CHST9: variants seen among roughly 807,000 people sequenced by gnomAD.
The protein encoded by CHST9 is GalNAc-4-sulfotransferase 2.
Under a neutral mutation model 44.4 loss-of-function variants are expected in CHST9, and 41 were observed. That is an observed-to-expected ratio of 0.92 (90% confidence interval 0.72 to 1.20). The LOEUF (loss-of-function observed/expected upper bound fraction) is 1.20. CHST9 is among the 50% of genes most tolerant of loss of function. The probability of loss-of-function intolerance (pLI) is 0.00; values close to 1 mark genes in which losing one functional copy is unlikely to be tolerated. For synonymous variants in CHST9, 171 were observed against 178.4 expected (o/e 0.96, Z 0.33); for missense variants, 504 against 516.5 (o/e 0.98, Z 0.23).
intron 2 of CHST9, among the ~76,000 whole-genome samples, chr18:27,140,592 A>G (rs1024502244): frequency 1.3e-5 from 2 of 152,216 alleles, no homozygotes; most frequent in African/African-American, 4.8e-5. Context: ...TGATATGAGC[A>G]AAACTCAAAA....
At chr18:26,951,624 T>C (rs1222718162) in intron 4 of CHST9, among the ~76,000 whole-genome samples, 1 of 152,202 alleles carries the variant, frequency 6.6e-6, no homozygotes, top group Non-Finnish European at 1.5e-5. Flanking sequence ...GTAGGAACTT[T>C]ACTCTCTCAA....
At chr18:27,074,791 T>C (rs2057882291) in intron 2 of CHST9, among the ~76,000 whole-genome samples, 1 of 148,406 alleles carries the variant, frequency 6.7e-6, no homozygotes, top group Admixed American at 6.7e-5. Context: ...GTAATCTTAA[T>C]AAAAATAAAT....
At chr18:26,989,945 G>A (rs2056797249) in intron 4 of CHST9, among the ~76,000 whole-genome samples, 1 of 151,874 alleles carries the variant, frequency 6.6e-6, no homozygotes, top group African/African-American at 2.4e-5. Flanking sequence ...GTGAGACTCT[G>A]TCTGAAAAAA....
chr18:27,155,369 A>G (rs983721298), intron 1 of CHST9, among the ~76,000 whole-genome samples: 3 of 152,220 alleles, frequency 2.0e-5, no homozygotes, highest in African/African-American at 7.2e-5. Context: ...TTTTACTGCT[A>G]GAGAGGTTTA....
chr18:27,165,645 T>C (rs925035422), intron 1 of CHST9, among the ~76,000 whole-genome samples: 9 of 152,190 alleles, frequency 5.9e-5, no homozygotes, highest in Non-Finnish European at 1.2e-4. Flanking sequence ...GTCTCCAAAT[T>C]ACATTGCTTC....
At chr18:27,089,032 G>C (rs1422552562) in intron 2 of CHST9, among the ~76,000 whole-genome samples, 1 of 152,184 alleles carries the variant, frequency 6.6e-6, no homozygotes, top group Non-Finnish European at 1.5e-5. Context: ...TAACAGCCTG[G>C]TTAGTTTTCC....
At chr18:27,165,676 C>T (rs2058784268) in intron 1 of CHST9, among the ~76,000 whole-genome samples, 1 of 152,166 alleles carries the variant, frequency 6.6e-6, no homozygotes, top group Admixed American at 6.5e-5. Flanking sequence ...GCTAATAAAA[C>T]TTCCGTAGTG....
chr18:27,096,326 C>CA (rs917727257), intron 2 of CHST9, among the ~76,000 whole-genome samples: 31 of 148,246 alleles, frequency 2.1e-4, no homozygotes, highest in Non-Finnish European at 3.6e-4. Flanking sequence ...GCCTACCTCA[C>CA]AAAAAAAGAC....
At chr18:27,146,546 G>C (rs894622145) in intron 1 of CHST9, among the ~76,000 whole-genome samples, 6 of 152,162 alleles carry the variant, frequency 3.9e-5, no homozygotes, top group Non-Finnish European at 5.9e-5. Flanking sequence ...CAGACTACTG[G>C]AGATTTAAAT....
At chr18:27,172,261 CTT>C (rs2058839029) in intron 1 of CHST9, among the ~76,000 whole-genome samples, 1 of 152,016 alleles carries the variant, frequency 6.6e-6, no homozygotes. Flanking sequence ...ATTCAAACAA[CTT>C]TTAACTTATG....
In CHST9 at chr18:27,085,766, A is replaced by G. The variant is rs540408355; in HGVS notation, c.122-37263T>C. ...CATTTGACCCAGCATTTCAGTTAAT[A>G]GGTATATACCCAAAGGAATATAAAT... On this transcript the variant is annotated intron_variant, in intron 2 of 5. Coordinates refer to ENST00000618847, the MANE Select transcript of CHST9 (RefSeq NM_031422.6). Among the ~76,000 whole-genome samples the G allele has an allele frequency of 5.9e-5, 9 of 152,232 alleles. No homozygotes were observed. In the South Asian group the frequency reaches 1.9e-3, roughly 32 times the overall value.
At chr18:27,131,347 C>G (rs150266355) in intron 2 of CHST9, among the ~76,000 whole-genome samples, 2 of 151,046 alleles carry the variant, frequency 1.3e-5, no homozygotes, top group Non-Finnish European at 3.0e-5. Flanking sequence ...GTCAGGAGTT[C>G]GAGACCAGCC....
rs954442014 is a variant in CHST9, at chr18:26,989,949, G to GA, written c.202+34166dup. Among the ~76,000 whole-genome samples the GA allele has an allele frequency of 2.8e-4, 42 of 151,560 alleles. 1 individual carries two copies. Among genetic ancestry groups the GA allele is most frequent in the Admixed American group, 2.6e-4 (4 of 15,216 alleles). On this transcript the variant is annotated intron_variant, in intron 4 of 5. Transcript: ENST00000618847. ...TGGGAGACAGAGTGAGACTCTGTCT[G>GA]AAAAAATAAGTAAAAAAATAAATAA...
At chr18:27,131,001 A>G (rs1302316610) in intron 2 of CHST9, among the ~76,000 whole-genome samples, 1 of 152,194 alleles carries the variant, frequency 6.6e-6, no homozygotes, top group African/African-American at 2.4e-5. Context: ...AGAAGGTACG[A>G]AAATGAGAGA....
At chr18:27,087,211 A>G (rs2058021578) in intron 2 of CHST9, among the ~76,000 whole-genome samples, 1 of 152,196 alleles carries the variant, frequency 6.6e-6, no homozygotes, top group African/African-American at 2.4e-5. Flanking sequence ...AGCCCCTTCT[A>G]AAAATTTATG....
At chr18:27,080,533 T>C (rs1191339532) in intron 2 of CHST9, among the ~76,000 whole-genome samples, 1 of 152,190 alleles carries the variant, frequency 6.6e-6, no homozygotes, top group African/African-American at 2.4e-5. Context: ...TTTGTATTCT[T>C]TGGCACCTCA....
At chr18:27,085,539 C>T (rs2058003915) in intron 2 of CHST9, among the ~76,000 whole-genome samples, 1 of 152,076 alleles carries the variant, frequency 6.6e-6, no homozygotes, top group South Asian at 2.1e-4. Context: ...CACTAATCAT[C>T]AGAGACTTGC....
At chr18:27,105,050 T>G (rs1187797952) in intron 2 of CHST9, among the ~76,000 whole-genome samples, 1 of 152,166 alleles carries the variant, frequency 6.6e-6, no homozygotes, top group Non-Finnish European at 1.5e-5. Flanking sequence ...TTTCTCCTCT[T>G]CTCTTTTCCC....
At chr18:26,994,846 C>T (rs187186638) in intron 4 of CHST9, among the ~76,000 whole-genome samples, 2 of 152,254 alleles carry the variant, frequency 1.3e-5, no homozygotes, top group African/African-American at 4.8e-5. Flanking sequence ...ATCTCAGCCT[C>T]CCAAAGTGCT....
Sources: allele counts gnomAD v4.1 joint callset (sites outside exome capture counted in the v4.1 genomes callset), GRCh38; gene constraint gnomAD v4.1.1; transcripts MANE v1.5; gene names NCBI Gene and HGNC (gene_info 2026-07-23, HGNC 2026-07-21).